The following ARHGAP32 variants were observed in gnomAD, a reference collection of about 807,000 sequenced individuals.
ARHGAP32 encodes the protein Rho GTPase activating protein 32, also known as rho GTPase-activating protein 32.
In ARHGAP32, 51 loss-of-function variants were observed where a neutral mutation model predicts 186.5. The ratio of observed to expected loss-of-function variants is 0.27; its 90% CI spans 0.22 to 0.35. The LOEUF is 0.35. Ranked by LOEUF, ARHGAP32 falls within the 10% of genes least tolerant of loss-of-function variation. ARHGAP32 has a pLI of 1.00. For missense variants in ARHGAP32, 2,186 were observed against 2,623.5 expected (o/e 0.83, Z 3.64); for synonymous variants, 950 against 964.3 (o/e 0.99, Z 0.27).
At chr11:129,099,216 C>T (rs1192647007) in intron 5 of ARHGAP32, among the ~76,000 whole-genome samples, 3 of 152,192 alleles carry the variant, frequency 2.0e-5, no homozygotes, top group Admixed American at 2.0e-4. Flanking sequence ...TGATGTGCCA[C>T]CATAACAACA....
chr11:129,192,419 A>G (rs1332777772), upstream of ARHGAP32, among the ~76,000 whole-genome samples: 1 of 152,114 alleles, frequency 6.6e-6, no homozygotes, highest in Non-Finnish European at 1.5e-5. Flanking sequence ...AGACCCTCCC[A>G]CTGCCTTAGG....
intron 1 of ARHGAP32, among the ~76,000 whole-genome samples, chr11:129,229,430 A>G (rs1944829375): frequency 6.6e-6 from 1 of 152,146 alleles, no homozygotes; most frequent in Non-Finnish European, 1.5e-5. Context: ...GAACCTTTGA[A>G]AAAACTTTTT....
In ARHGAP32 at chr11:129,165,206, C is replaced by G. The variant is rs117293752; in HGVS notation, c.117-779G>C. 7.9e-3 allele frequency among the ~76,000 whole-genome samples: 1,209 copies of G among 152,104 alleles called. 8 individuals are homozygous for G. Among genetic ancestry groups the G allele is most frequent in the South Asian group, 0.032 (152 of 4,816 alleles). Reference sequence around the variant, plus strand: ...CAGAAATCTACAGCAAAATTCACCTCAAATTATTAACTGAGTCCTAAGCTT... The same window carrying G: ...CAGAAATCTACAGCAAAATTCACCTGAAATTATTAACTGAGTCCTAAGCTT... On this transcript the variant is annotated intron_variant, in intron 1 of 22. Transcript: ENST00000682385.
chr11:129,033,926 TG>T (rs1939217603), intron 11 of ARHGAP32, among the ~76,000 whole-genome samples: 1 of 152,222 alleles, frequency 6.6e-6, no homozygotes. Flanking sequence ...TCTGTTCCAT[TG>T]ATCTATTGGT....
At chr11:129,105,347 C>T (rs1942019283) in intron 5 of ARHGAP32, among the ~76,000 whole-genome samples, 1 of 152,134 alleles carries the variant, frequency 6.6e-6, no homozygotes, top group Non-Finnish European at 1.5e-5. Context: ...GTTTTCACCT[C>T]CAGCTGACCT....
At chr11:129,008,410 A>G (rs1937899364) in intron 11 of ARHGAP32, among the ~76,000 whole-genome samples, 1 of 152,202 alleles carries the variant, frequency 6.6e-6, no homozygotes, top group African/African-American at 2.4e-5. Context: ...CTTATGGCCT[A>G]GATAGAACAC....
intron 1 of ARHGAP32, among the ~76,000 whole-genome samples, chr11:129,175,211 A>G (rs1249115642): frequency 1.1e-5 from 1 of 89,622 alleles, no homozygotes; most frequent in East Asian, 3.1e-4. Context: ...GATGAAATGA[A>G]TGAAATGAAG....
At chr11:129,213,035 T>C (rs986222887) in intron 1 of ARHGAP32, among the ~76,000 whole-genome samples, 1 of 152,164 alleles carries the variant, frequency 6.6e-6, no homozygotes, top group African/African-American at 2.4e-5. Flanking sequence ...CAAGAATATA[T>C]ATACTTTATT....
At chr11:129,025,364 A>T (rs941749395) in intron 11 of ARHGAP32, among the ~76,000 whole-genome samples, 1 of 152,192 alleles carries the variant, frequency 6.6e-6, no homozygotes, top group Non-Finnish European at 1.5e-5. Context: ...ATTGTTGATA[A>T]ATGGTAGTCC....
intron 1 of ARHGAP32, among the ~76,000 whole-genome samples, chr11:129,190,852 G>A (rs188066073): frequency 5.9e-5 from 9 of 152,284 alleles, no homozygotes; most frequent in Admixed American, 5.9e-4. Flanking sequence ...CCTTGGAAGG[G>A]AAGGGACTTA....
chr11:129,193,496 AAAAAT>A (rs1385417432), upstream of ARHGAP32, among the ~76,000 whole-genome samples: 2 of 94,880 alleles, frequency 2.1e-5, no homozygotes, highest in African/African-American at 4.2e-5. Flanking sequence ...AAAAAAAAAA[AAAAAT>A]ATATATATAT....
intron 1 of ARHGAP32, among the ~76,000 whole-genome samples, chr11:129,242,612 G>A (rs1945033723): frequency 6.6e-6 from 1 of 151,736 alleles, no homozygotes; most frequent in Non-Finnish European, 1.5e-5. Context: ...CAGCTACTTG[G>A]GAGGCTGAGG....
chr11:128,972,316 A>C, intron 22 of ARHGAP32, 137 bp downstream of exon 22: 1 of 985,020 alleles, frequency 1.0e-6, no homozygotes, highest in East Asian at 2.6e-5. Context: ...TCAAATGGGA[A>C]CTATCTCATG....
intron 2 of ARHGAP32, among the ~76,000 whole-genome samples, chr11:129,146,387 G>GGA: frequency 6.6e-6 from 1 of 152,090 alleles, no homozygotes; most frequent in East Asian, 1.9e-4. Context: ...ATTATGCTCT[G>GGA]TCTTGGCCAG....
chr11:128,973,764 T>G, intron 21 of ARHGAP32: 2 of 514,038 alleles, frequency 3.9e-6, no homozygotes, highest in East Asian at 6.2e-5. Context: ...ATGAACAGTT[T>G]TTACATTTGA....
At chr11:129,015,442 G>A (rs1442740622) in intron 11 of ARHGAP32, among the ~76,000 whole-genome samples, 1 of 152,180 alleles carries the variant, frequency 6.6e-6, no homozygotes, top group Non-Finnish European at 1.5e-5. Context: ...TCCTCATCAT[G>A]CAGGTTTTTC....
Position 129,062,186 on chromosome 11 carries a change from A to T in ARHGAP32, c.963+94T>A, listed in dbSNP as rs147543516. The T allele has an allele frequency of 1.0e-3, 1,043 of 1,003,424 alleles. 6 individuals are homozygous for T. The East Asian group carries it at 0.012, about 12-fold the overall frequency. 62.2% of individuals were successfully genotyped at this position (1,003,424 alleles called of 1,614,324 possible). A position where few individuals can be genotyped will look rare whatever the true frequency, so the allele number is the denominator to read the frequency against. ...CGTTGCAGACAAAATTTCTGATGAC[A>T]AAGTCCATTACCAGCACATGTAAAC... On this transcript the variant is annotated intron_variant, in intron 10 of 22. Coordinates refer to ENST00000682385, the MANE Select transcript of ARHGAP32 (RefSeq NM_001378024.1).
At chr11:128,973,691 C>A in intron 21 of ARHGAP32, 1 of 551,460 alleles carries the variant, frequency 1.8e-6, no homozygotes. Context: ...AAAAGCATGT[C>A]CCTCACCTGG....
intron 6 of ARHGAP32, among the ~76,000 whole-genome samples, chr11:129,072,084 A>G (rs1240396749): frequency 1.3e-5 from 2 of 152,142 alleles, no homozygotes; most frequent in African/African-American, 2.4e-5. Flanking sequence ...GTCAATGGGT[A>G]CAAAGTTGTA....
Sources: allele counts gnomAD v4.1 joint callset (sites outside exome capture counted in the v4.1 genomes callset), GRCh38; gene constraint gnomAD v4.1.1; transcripts MANE v1.5; gene names NCBI Gene and HGNC (gene_info 2026-07-23, HGNC 2026-07-21).